Variants in SH3RF3 observed in about 807,000 individuals in gnomAD.
The protein encoded by SH3RF3 is SH3 domain containing ring finger 3, also known as E3 ubiquitin-protein ligase SH3RF3.
SH3RF3 carries 29 observed loss-of-function variants against 66.3 expected under a neutral mutation model. The observed-to-expected ratio is 0.44, with a 90% confidence interval of 0.33 to 0.60. SH3RF3 has a LOEUF of 0.60. Ranked by LOEUF, SH3RF3 falls within the 20% of genes least tolerant of loss-of-function variation. The pLI is 0.04. For missense variants in SH3RF3, 1,194 were observed against 1,190.9 expected, an observed-to-expected ratio of 1.00 and a Z score of -0.04; for synonymous variants, 583 against 532.0, an observed-to-expected ratio of 1.10 and a Z score of -1.32.
At chr2:109,307,562 A>G (rs1470385167) in intron 1 of SH3RF3, among the ~76,000 whole-genome samples, 2 of 127,196 alleles carry the variant, frequency 1.6e-5, no homozygotes, top group African/African-American at 6.0e-5. Context: ...TCCCAATGCT[A>G]TCCCTCCCCC....
intron 7 of SH3RF3, among the ~76,000 whole-genome samples, chr2:109,445,399 A>C (rs962103041): frequency 6.6e-6 from 1 of 152,254 alleles, no homozygotes; most frequent in African/African-American, 2.4e-5. Context: ...AACTTAAAGC[A>C]TCAAAGGATA....
intron 1 of SH3RF3, among the ~76,000 whole-genome samples, chr2:109,257,124 T>C (rs1469222133): frequency 6.6e-6 from 1 of 152,208 alleles, no homozygotes; most frequent in Non-Finnish European, 1.5e-5. Flanking sequence ...GAATCCCTCA[T>C]GTCCACTCTG....
chr2:109,152,747 G>A (rs1457577632), intron 1 of SH3RF3, among the ~76,000 whole-genome samples: 1 of 152,186 alleles, frequency 6.6e-6, no homozygotes, highest in Non-Finnish European at 1.5e-5. Flanking sequence ...CATGGGCAGA[G>A]GGGCGGGGGG....
intron 2 of SH3RF3, among the ~76,000 whole-genome samples, chr2:109,365,768 G>T (rs13013000): frequency 0.033 from 4,980 of 152,246 alleles, 113 homozygotes; most frequent in Middle Eastern, 0.051. Flanking sequence ...TGTACAATTT[G>T]CATGTATCTG....
chr2:109,205,742 A>G (rs991183328), intron 1 of SH3RF3, among the ~76,000 whole-genome samples: 2 of 152,208 alleles, frequency 1.3e-5, no homozygotes, highest in Admixed American at 1.3e-4. Flanking sequence ...ACTGGCAGGA[A>G]GGCAGCCCCG....
intron 4 of SH3RF3, among the ~76,000 whole-genome samples, chr2:109,406,709 A>G (rs901603566): frequency 1.3e-5 from 2 of 152,160 alleles, no homozygotes; most frequent in South Asian, 2.1e-4. Flanking sequence ...ACAGCCTGAA[A>G]TGTTTATTAC....
Position 109,363,863 on chromosome 2 carries a change from TC to T in SH3RF3, c.850-7719del, listed in dbSNP as rs757457133. ...GCTCCTTTATAGGTAATGTGTTTTT[TC>T]CCCTCTGACTTCTTTCAGGATTTTT... On this transcript the variant is annotated intron_variant, in intron 2 of 9. Coordinates refer to ENST00000309415, the MANE Select transcript of SH3RF3 (RefSeq NM_001099289.3). Among the ~76,000 whole-genome samples the T allele has an allele frequency of 2.6e-5, 4 of 152,212 alleles. No individual in the cohort carries two copies. The South Asian group carries it at 6.2e-4, about 24-fold the overall frequency.
chr2:109,163,794 C>G (rs369193424), intron 1 of SH3RF3, among the ~76,000 whole-genome samples: 4 of 152,176 alleles, frequency 2.6e-5, no homozygotes, highest in East Asian at 3.9e-4. Context: ...AAGAATGAAA[C>G]TTCTTAATAA....
At chr2:109,355,489 A>T (rs1004005987) in intron 2 of SH3RF3, among the ~76,000 whole-genome samples, 1 of 152,250 alleles carries the variant, frequency 6.6e-6, no homozygotes, top group Non-Finnish European at 1.5e-5. Context: ...AACTGCTGTC[A>T]TGCTACAATG....
At position 109,277,378 on chromosome 2, in the gene SH3RF3, C is replaced by A. The variant is rs533595002; in HGVS notation, c.574-70296C>A. On this transcript the variant is annotated intron_variant, in intron 1 of 9. Coordinates refer to ENST00000309415, the MANE Select transcript of SH3RF3 (RefSeq NM_001099289.3). ...ATTTCATTTACTGCTCTTTATGTGA[C>A]CCCGGCCTCGGTGATGGAAATCAAC... 7.9e-5 allele frequency among the ~76,000 whole-genome samples: 12 copies of A among 152,270 alleles called. No individual in the cohort carries two copies. In the South Asian group the frequency reaches 2.3e-3, roughly 29 times the overall value.
At chr2:109,137,821 C>T (rs1296395454) in intron 1 of SH3RF3, among the ~76,000 whole-genome samples, 1 of 152,202 alleles carries the variant, frequency 6.6e-6, no homozygotes, top group African/African-American at 2.4e-5. Flanking sequence ...GCCACTGTTG[C>T]TGTTTGATTT....
chr2:109,213,893 C>T (rs1418812523), intron 1 of SH3RF3, among the ~76,000 whole-genome samples: 1 of 152,192 alleles, frequency 6.6e-6, no homozygotes, highest in African/African-American at 2.4e-5. Flanking sequence ...TGAGGCAAAG[C>T]CTCCCGGGAC....
intron 8 of SH3RF3, among the ~76,000 whole-genome samples, chr2:109,480,840 C>T (rs943683490): frequency 3.3e-5 from 5 of 152,076 alleles, no homozygotes; most frequent in Non-Finnish European, 5.9e-5. Flanking sequence ...GAGGGCGGTT[C>T]GCTGTTCTCT....
intron 1 of SH3RF3, among the ~76,000 whole-genome samples, chr2:109,151,371 G>A (rs2104871657): frequency 6.6e-6 from 1 of 152,196 alleles, no homozygotes; most frequent in Middle Eastern, 3.4e-3. Context: ...TGGTTTAACA[G>A]GTGTTCAAAT....
At chr2:109,447,653 A>G (rs1202474345) in intron 7 of SH3RF3, among the ~76,000 whole-genome samples, 1 of 152,144 alleles carries the variant, frequency 6.6e-6, no homozygotes, top group Non-Finnish European at 1.5e-5. Flanking sequence ...GACACAAGTC[A>G]CCATTCCCCT....
intron 1 of SH3RF3, among the ~76,000 whole-genome samples, chr2:109,265,864 C>T (rs1479799970): frequency 6.6e-6 from 1 of 152,176 alleles, no homozygotes; most frequent in Non-Finnish European, 1.5e-5. Context: ...CACCACTGAG[C>T]TGGGGCATTG....
intron 1 of SH3RF3, among the ~76,000 whole-genome samples, chr2:109,233,183 C>T (rs751507733): frequency 1.1e-4 from 16 of 152,192 alleles, no homozygotes; most frequent in Admixed American, 4.6e-4. Context: ...GTCAGGGTGA[C>T]AGCTTCTTAC....
chr2:109,153,884 G>A (rs1400521998), intron 1 of SH3RF3, among the ~76,000 whole-genome samples: 2 of 152,174 alleles, frequency 1.3e-5, no homozygotes, highest in African/African-American at 2.4e-5. Context: ...ATTAGCAGTC[G>A]GGACTTGCTA....
chr2:109,196,397 C>T lies in SH3RF3; in HGVS notation c.573+66284C>T, dbSNP rs372470346. Among the ~76,000 whole-genome samples, 47 of 152,322 alleles carry T rather than the reference C, an allele frequency of 3.1e-4. No homozygotes were observed. In the East Asian group the frequency reaches 6.4e-3, roughly 21 times the overall value. Reference sequence around the variant, plus strand: ...CACTGGTCCTTCTATCATTTAATCCCGTGGCGGGCAGCCTCCTGCTGTGGC... The same window carrying T: ...CACTGGTCCTTCTATCATTTAATCCTGTGGCGGGCAGCCTCCTGCTGTGGC... On this transcript the variant is annotated intron_variant, in intron 1 of 9. Coordinates refer to ENST00000309415, the MANE Select transcript of SH3RF3 (RefSeq NM_001099289.3).
Sources: allele counts gnomAD v4.1 joint callset (sites outside exome capture counted in the v4.1 genomes callset), GRCh38; gene constraint gnomAD v4.1.1; transcripts MANE v1.5; gene names NCBI Gene and HGNC (gene_info 2026-07-23, HGNC 2026-07-21).